Variants in DLGAP2 observed in about 807,000 individuals in gnomAD.
DLGAP2 encodes disks large-associated protein 2.
A neutral mutation model predicts 100.3 loss-of-function variants in DLGAP2; 26 were observed. The ratio of observed to expected loss-of-function variants is 0.26; its 90% CI spans 0.19 to 0.36. DLGAP2 has a LOEUF of 0.36. Ranked by LOEUF, DLGAP2 falls within the 10% of genes least tolerant of loss-of-function variation. The pLI is 1.00. For missense variants in DLGAP2, 1,858 were observed against 1,453.2 expected (o/e 1.28, Z -4.53); for synonymous variants, 886 against 630.1 (o/e 1.41, Z -6.08).
chr8:1,060,505 G>C (rs1226926559), intron 2 of DLGAP2, among the ~76,000 whole-genome samples: 1 of 151,674 alleles, frequency 6.6e-6, no homozygotes. Context: ...TCTCTCTGTG[G>C]GTCTCTGTGT....
At chr8:978,152 C>T (rs1209607929) in intron 2 of DLGAP2, among the ~76,000 whole-genome samples, 39 of 126,694 alleles carry the variant, frequency 3.1e-4, no homozygotes, top group African/African-American at 1.1e-3. Context: ...GTGGGGAGGG[C>T]GTCGGGGATG....
At chr8:761,420 G>A (rs545612579) in intron 1 of DLGAP2, among the ~76,000 whole-genome samples, 6 of 152,354 alleles carry the variant, frequency 3.9e-5, no homozygotes, top group Admixed American at 2.6e-4. Context: ...GGCTTGAAAT[G>A]TAGTATAACT....
intron 3 of DLGAP2, among the ~76,000 whole-genome samples, chr8:1,324,170 G>C (rs1800969492): frequency 6.6e-6 from 1 of 152,178 alleles, no homozygotes; most frequent in African/African-American, 2.4e-5. Context: ...TGGACTGTTT[G>C]CTCTTAAGTT....
chr8:1,189,370 C>G (rs777990087), intron 2 of DLGAP2, among the ~76,000 whole-genome samples: 1 of 152,164 alleles, frequency 6.6e-6, no homozygotes, highest in Non-Finnish European at 1.5e-5. Context: ...TCAACCTGGT[C>G]CCTAAATAAC....
At chr8:1,370,697 C>A (rs921102924) in intron 3 of DLGAP2, among the ~76,000 whole-genome samples, 3 of 152,254 alleles carry the variant, frequency 2.0e-5, no homozygotes, top group Non-Finnish European at 2.9e-5. Flanking sequence ...CCCCAGACAA[C>A]CGCTCCACTC....
At chr8:1,024,908 C>T (rs1465017984) in intron 2 of DLGAP2, among the ~76,000 whole-genome samples, 2 of 152,148 alleles carry the variant, frequency 1.3e-5, no homozygotes, top group African/African-American at 4.8e-5. Context: ...TGGGATAGAA[C>T]CTTGGCGTGG....
chr8:1,074,109 T>G lies in DLGAP2; in HGVS notation c.73+166143T>G, dbSNP rs11780395. The stretch of plus-strand genomic sequence containing the variant: ...AACTCACCCAGGTACATATTCAGGA[T>G]TCACTGTCACAGAAGGGTTTGCAGC... On this transcript the variant is annotated intron_variant, in intron 2 of 14. Coordinates refer to ENST00000637795, the MANE Select transcript of DLGAP2 (RefSeq NM_001346810.2). Among the ~76,000 whole-genome samples, 108 of 97,902 alleles carry G rather than the reference T, an allele frequency of 1.1e-3. 1 individual carries two copies. Among genetic ancestry groups the G allele is most frequent in the African/African-American group, 3.2e-3 (72 of 22,750 alleles). 64.2% of individuals were successfully genotyped at this position (97,902 alleles called of 152,430 possible).
chr8:1,260,259 G>A (rs977611452), intron 3 of DLGAP2, among the ~76,000 whole-genome samples: 6 of 151,970 alleles, frequency 3.9e-5, no homozygotes, highest in Admixed American at 3.9e-4. Context: ...TCCCACCAGG[G>A]AATGCATATC....
In DLGAP2 at chr8:1,483,520, GAACT is replaced by G. The variant is rs1383031840; in HGVS notation, c.107-17845_107-17842del. On this transcript the variant is annotated intron_variant, in intron 3 of 14. Coordinates refer to ENST00000637795, the MANE Select transcript of DLGAP2 (RefSeq NM_001346810.2). ...CAGAACGTGAGGACAAGGGAAGGCT[GAACT>G]GCTGTGCAAGAGGCTCAGGAAGCAG... Among the ~76,000 whole-genome samples, 89 of 145,322 alleles carry G rather than the reference GAACT, an allele frequency of 6.1e-4. 3 individuals carry two copies. Among genetic ancestry groups the G allele is most frequent in the African/African-American group, 2.4e-3 (86 of 35,412 alleles).
intron 2 of DLGAP2, among the ~76,000 whole-genome samples, chr8:1,024,757 G>T (rs1320172821): frequency 6.6e-6 from 1 of 152,212 alleles, no homozygotes; most frequent in Non-Finnish European, 1.5e-5. Flanking sequence ...GGTCCTCTGG[G>T]TGAAACGGAC....
chr8:1,343,808 G>C (rs1419161964), intron 3 of DLGAP2, among the ~76,000 whole-genome samples: 1 of 152,122 alleles, frequency 6.6e-6, no homozygotes, highest in Non-Finnish European at 1.5e-5. Flanking sequence ...TGTGGCACGA[G>C]ATCCTCCCTG....
At chr8:1,451,589 G>A (rs1007323214) in intron 3 of DLGAP2, among the ~76,000 whole-genome samples, 7 of 151,828 alleles carry the variant, frequency 4.6e-5, no homozygotes, top group Admixed American at 6.6e-5. Context: ...TACCTGTTCC[G>A]CCTCCATCAC....
At chr8:1,262,859 A>T (rs145601884) in intron 3 of DLGAP2, among the ~76,000 whole-genome samples, 17 of 152,224 alleles carry the variant, frequency 1.1e-4, no homozygotes, top group African/African-American at 3.6e-4. Flanking sequence ...AGGAAAATTT[A>T]TGGACATTGG....
chr8:1,679,940 A>G (rs1011420376), intron 12 of DLGAP2, among the ~76,000 whole-genome samples: 1 of 133,542 alleles, frequency 7.5e-6, no homozygotes, highest in African/African-American at 2.9e-5. Flanking sequence ...AGATCGTGCC[A>G]TTGCACTCCA....
At chr8:745,005 G>A (rs888533737) in intron 1 of DLGAP2, among the ~76,000 whole-genome samples, 4 of 152,138 alleles carry the variant, frequency 2.6e-5, no homozygotes, top group East Asian at 1.9e-4. Context: ...CACACCTGCC[G>A]CAGGGTTTTA....
chr8:1,307,940 A>ATGG (rs148353834), intron 3 of DLGAP2, among the ~76,000 whole-genome samples: 21,342 of 152,082 alleles, frequency 0.14, 1,965 homozygotes, highest in African/African-American at 0.26. Context: ...TTTGGAGACA[A>ATGG]TGGCACAATG....
At chr8:1,254,593 C>T (rs1172490281) in intron 2 of DLGAP2, among the ~76,000 whole-genome samples, 1 of 152,172 alleles carries the variant, frequency 6.6e-6, no homozygotes, top group African/African-American at 2.4e-5. Flanking sequence ...AAGACGGCTT[C>T]TCGCATCTGC....
At chr8:1,298,789 C>G (rs549418040) in intron 3 of DLGAP2, among the ~76,000 whole-genome samples, 1 of 152,198 alleles carries the variant, frequency 6.6e-6, no homozygotes, top group African/African-American at 2.4e-5. Context: ...TTGCAAAGAT[C>G]GTCTTGAGAG....
At chr8:1,149,273 G>C (rs1199714541) in intron 2 of DLGAP2, among the ~76,000 whole-genome samples, 2 of 152,028 alleles carry the variant, frequency 1.3e-5, no homozygotes, top group East Asian at 3.9e-4. Context: ...AGCCTCCCGA[G>C]TAGTTGGGAC....
Sources: allele counts gnomAD v4.1 joint callset (sites outside exome capture counted in the v4.1 genomes callset), GRCh38; gene constraint gnomAD v4.1.1; transcripts MANE v1.5; gene names NCBI Gene and HGNC (gene_info 2026-07-23, HGNC 2026-07-21).